The following HS6ST2 variants were observed in gnomAD, a reference collection of about 807,000 sequenced individuals.
HS6ST2 encodes the protein heparan sulfate 6-O-sulfotransferase 2, also known as heparan-sulfate 6-O-sulfotransferase 2.
A neutral mutation model predicts 33.0 loss-of-function variants in HS6ST2; 17 were observed. The observed-to-expected ratio is 0.52, with a 90% CI of 0.35 to 0.77. HS6ST2 has a LOEUF of 0.77. Among genes scored for constraint, HS6ST2 ranks in the 30% least tolerant of loss-of-function variants. The probability of loss-of-function intolerance (pLI) is 0.01; values close to 1 mark genes in which losing one functional copy is unlikely to be tolerated. For missense variants in HS6ST2, 519 were observed against 551.7 expected, an observed-to-expected ratio of 0.94 and a Z score of 0.59; for synonymous variants, 248 against 237.1, an observed-to-expected ratio of 1.05 and a Z score of -0.42.
At chrX:132,753,999 T>C (rs986532782) in intron 2 of HS6ST2, among the ~76,000 whole-genome samples, 3 of 112,434 alleles carry the variant, frequency 2.7e-5, no homozygotes, top group Non-Finnish European at 5.6e-5. Flanking sequence ...AATATCAATT[T>C]GTTATTAACT....
chrX:132,900,413 T>C (rs754496136), intron 2 of HS6ST2, among the ~76,000 whole-genome samples: 50 of 111,873 alleles, frequency 4.5e-4, no homozygotes, highest in Non-Finnish European at 7.5e-4. Flanking sequence ...TAAAAGATAA[T>C]TATTTAAATC....
At position 132,654,023 on chromosome X, in the gene HS6ST2, A is replaced by C. The variant is rs545210551; in HGVS notation, c.1067+15090T>G. On this transcript the variant is annotated intron_variant, in intron 4 of 4. Transcript: ENST00000370833. Reference sequence around the variant, plus strand: ...AAAGGGTACAAACTTTCAATTACACAAGATAAATAAGTTCTGGGAATCTAC... The same window carrying C: ...AAAGGGTACAAACTTTCAATTACACCAGATAAATAAGTTCTGGGAATCTAC... Among the ~76,000 whole-genome samples the C allele has an allele frequency of 5.4e-5, 6 of 111,712 alleles. No homozygotes were observed. The South Asian group carries it at 1.1e-3, about 21-fold the overall frequency.
chrX:132,637,748 A>G lies in HS6ST2; in HGVS notation c.1068-8655T>C, dbSNP rs754971799. Among the ~76,000 whole-genome samples the G allele has an allele frequency of 7.8e-3, 612 of 78,723 alleles. 5 individuals are homozygous for G. The highest frequency in any genetic ancestry group is 0.012 in the Non-Finnish European group (536 of 43,571). The allele number at this position is 78,723 out of a possible 115,157, so 68.4% of individuals were successfully genotyped here. On this transcript the variant is annotated intron_variant, in intron 4 of 4. Coordinates refer to ENST00000370833, the MANE Select transcript of HS6ST2 (RefSeq NM_001394073.1). ...TATATGTGCTATATATATATAAAAA[A>G]TATATATATAAAATATTATATATTT...
At chrX:132,633,971 C>T (rs1002873535) in intron 4 of HS6ST2, among the ~76,000 whole-genome samples, 2 of 111,270 alleles carry the variant, frequency 1.8e-5, no homozygotes, top group Admixed American at 9.6e-5. Context: ...ACCATTTTGG[C>T]GGCCACACCA....
At chrX:132,885,003 G>C (rs1424205108) in intron 2 of HS6ST2, among the ~76,000 whole-genome samples, 1 of 111,700 alleles carries the variant, frequency 9.0e-6, no homozygotes, top group East Asian at 2.8e-4. Flanking sequence ...ATATAAAGTG[G>C]GGAGGTGTAA....
intron 2 of HS6ST2, among the ~76,000 whole-genome samples, chrX:132,938,139 GCAA>G (rs1201603727): frequency 2.0e-5 from 2 of 101,447 alleles, no homozygotes; most frequent in Non-Finnish European, 4.0e-5. Context: ...TCCACCCTGG[GCAA>G]CAAAGGGAAA....
intron 2 of HS6ST2, among the ~76,000 whole-genome samples, chrX:132,801,413 G>C (rs1482192269): frequency 8.9e-6 from 1 of 111,755 alleles, no homozygotes; most frequent in Admixed American, 9.6e-5. Context: ...TCTTTGATTA[G>C]TTTTACTGCC....
chrX:132,944,842 C>G (rs1321154644), intron 2 of HS6ST2, among the ~76,000 whole-genome samples: 4 of 110,467 alleles, frequency 3.6e-5, no homozygotes, highest in African/African-American at 6.6e-5. Flanking sequence ...ACACCTTATA[C>G]AAAAATTAAT....
intron 2 of HS6ST2, among the ~76,000 whole-genome samples, chrX:132,842,684 A>T (rs1353375644): frequency 9.0e-6 from 1 of 111,489 alleles, no homozygotes; most frequent in Non-Finnish European, 1.9e-5. Context: ...CTCACTGGTC[A>T]TCAGTGCATC....
chrX:132,700,547 T>A (rs2064136494), intron 3 of HS6ST2, among the ~76,000 whole-genome samples: 1 of 109,361 alleles, frequency 9.1e-6, no homozygotes, highest in Non-Finnish European at 1.9e-5. Context: ...TATATATATA[T>A]ATATATGGTT....
In HS6ST2 at chrX:132,953,746, C is replaced by T. The variant is rs560925551; in HGVS notation, c.947+3062G>A. On this transcript the variant is annotated intron_variant, in intron 2 of 4. Coordinates refer to ENST00000370833, the MANE Select transcript of HS6ST2 (RefSeq NM_001394073.1). Reference sequence around the variant, plus strand: ...AGAAAGCCTTAGGGATGTAGAAATCCGTTCTTCTCCCAATGGGTGTGGTAA... The same window carrying T: ...AGAAAGCCTTAGGGATGTAGAAATCTGTTCTTCTCCCAATGGGTGTGGTAA... Among the ~76,000 whole-genome samples the T allele has an allele frequency of 4.5e-5, 5 of 112,208 alleles. No homozygotes were observed. The East Asian group carries it at 1.1e-3, about 25-fold the overall frequency.
chrX:132,926,328 A>C (rs2066710048), intron 2 of HS6ST2, among the ~76,000 whole-genome samples: 1 of 112,492 alleles, frequency 8.9e-6, no homozygotes, highest in African/African-American at 3.2e-5. Flanking sequence ...AGGAATGGGC[A>C]TCCAAATGCC....
At chrX:132,917,494 G>A (rs780827466) in intron 2 of HS6ST2, among the ~76,000 whole-genome samples, 70 of 110,732 alleles carry the variant, frequency 6.3e-4, no homozygotes, top group African/African-American at 2.2e-3. Context: ...CAGCTACTTG[G>A]GAGGCTGAGG....
chrX:132,688,443 G>A (rs1275194475), intron 3 of HS6ST2, among the ~76,000 whole-genome samples: 2 of 111,836 alleles, frequency 1.8e-5, no homozygotes, highest in African/African-American at 6.5e-5. Flanking sequence ...AAAGGAAAGA[G>A]GTTCAATTGA....
At chrX:132,750,200 G>A (rs1218459097) in intron 2 of HS6ST2, among the ~76,000 whole-genome samples, 1 of 110,796 alleles carries the variant, frequency 9.0e-6, no homozygotes. Flanking sequence ...AGTCGAGTTT[G>A]GGCATGTGTA....
At chrX:132,659,221 T>C (rs1384018159) in intron 4 of HS6ST2, among the ~76,000 whole-genome samples, 1 of 112,336 alleles carries the variant, frequency 8.9e-6, no homozygotes, top group African/African-American at 3.2e-5. Context: ...TTTTATAGCA[T>C]TGCCAGCATT....
intron 2 of HS6ST2, among the ~76,000 whole-genome samples, chrX:132,908,872 G>A (rs2066501760): frequency 9.1e-6 from 1 of 109,467 alleles, no homozygotes; most frequent in Non-Finnish European, 1.9e-5. Context: ...AAATTGTATG[G>A]TATGTGAATT....
chrX:132,709,648 C>T (rs1252339290), intron 2 of HS6ST2, among the ~76,000 whole-genome samples: 2 of 110,508 alleles, frequency 1.8e-5, no homozygotes, highest in Non-Finnish European at 3.8e-5. Context: ...CCATCCAGAG[C>T]CCAATGTGCT....
intron 2 of HS6ST2, among the ~76,000 whole-genome samples, chrX:132,836,046 A>G (rs2065640321): frequency 9.0e-6 from 1 of 111,498 alleles, no homozygotes; most frequent in African/African-American, 3.3e-5. Flanking sequence ...TCCCTCATAA[A>G]TCTCTACACA....
Sources: allele counts gnomAD v4.1 joint callset (sites outside exome capture counted in the v4.1 genomes callset), GRCh38; gene constraint gnomAD v4.1.1; transcripts MANE v1.5; gene names NCBI Gene and HGNC (gene_info 2026-07-23, HGNC 2026-07-21).